The following LPP variants were observed in gnomAD, a reference collection of about 807,000 sequenced individuals.
LPP encodes the protein lipoma-preferred partner.
LPP carries 38 observed loss-of-function variants against 60.4 expected under a neutral mutation model. That is an observed-to-expected ratio of 0.63 (90% CI 0.49 to 0.83). The LOEUF (loss-of-function observed/expected upper bound fraction) is 0.83, where lower values mean the gene tolerates loss of function less well. Ranked by LOEUF, LPP falls within the 40% of genes least tolerant of loss-of-function variation. LPP has a pLI of 0.00. For synonymous variants in LPP, 328 were observed against 290.8 expected (o/e 1.13, Z -1.30); for missense variants, 902 against 783.6 (o/e 1.15, Z -1.80).
intron 4 of LPP, among the ~76,000 whole-genome samples, chr3:188,427,225 T>A (rs1253397571): frequency 6.6e-6 from 1 of 152,242 alleles, no homozygotes; most frequent in Non-Finnish European, 1.5e-5. Flanking sequence ...TTAGTTTGGC[T>A]GGATATGAAA....
At chr3:188,835,838 A>G (rs565475294) in intron 9 of LPP, among the ~76,000 whole-genome samples, 2 of 152,324 alleles carry the variant, frequency 1.3e-5, no homozygotes, top group South Asian at 4.1e-4. Context: ...CAATTCCTGA[A>G]TCAAGGACAA....
chr3:188,257,640 G>A (rs999825759), intron 2 of LPP, among the ~76,000 whole-genome samples: 17 of 152,122 alleles, frequency 1.1e-4, no homozygotes, highest in Admixed American at 3.3e-4. Flanking sequence ...TCATAGTTTG[G>A]TCATGGAATG....
chr3:188,418,055 A>G (rs1786796934), intron 4 of LPP, among the ~76,000 whole-genome samples: 1 of 152,206 alleles, frequency 6.6e-6, no homozygotes, highest in Non-Finnish European at 1.5e-5. Flanking sequence ...CACAAATGTG[A>G]ATAAATTTTA....
intron 7 of LPP, among the ~76,000 whole-genome samples, chr3:188,636,337 C>T (rs1302485858): frequency 3.9e-5 from 6 of 152,186 alleles, no homozygotes; most frequent in African/African-American, 1.4e-4. Context: ...CCGAATACTG[C>T]GCTTTTCCGA....
intron 9 of LPP, among the ~76,000 whole-genome samples, chr3:188,857,220 A>G (rs1444721021): frequency 6.6e-6 from 1 of 152,228 alleles, no homozygotes; most frequent in Non-Finnish European, 1.5e-5. Context: ...GGAATTTTTC[A>G]AGCTCAACCA....
intron 4 of LPP, among the ~76,000 whole-genome samples, chr3:188,484,084 G>A (rs746332310): frequency 2.6e-5 from 4 of 151,850 alleles, no homozygotes; most frequent in Admixed American, 6.5e-5. Context: ...ACATTCTCCT[G>A]TCTCTCTACC....
chr3:188,849,089 C>T (rs777525583), intron 9 of LPP, among the ~76,000 whole-genome samples: 2 of 152,132 alleles, frequency 1.3e-5, no homozygotes, highest in Non-Finnish European at 2.9e-5. Context: ...GGCACAGCAC[C>T]GTGGTGAGCG....
intron 2 of LPP, among the ~76,000 whole-genome samples, chr3:188,331,124 T>G (rs1033219989): frequency 6.6e-6 from 1 of 152,188 alleles, no homozygotes; most frequent in Non-Finnish European, 1.5e-5. Context: ...CTCAGCTTCT[T>G]GAGGATGGTG....
At chr3:188,524,638 T>C in intron 5 of LPP, 27 bp from the exon 6 acceptor site, 1 of 1,594,018 alleles carries the variant, frequency 6.3e-7, no homozygotes, top group Non-Finnish European at 8.5e-7. Flanking sequence ...ATTTCCTTTG[T>C]TAACATGTCT....
intron 9 of LPP, among the ~76,000 whole-genome samples, chr3:188,810,494 C>G (rs1224717794): frequency 6.6e-6 from 1 of 151,836 alleles, no homozygotes; most frequent in African/African-American, 2.4e-5. Flanking sequence ...AGAGGGAGAC[C>G]ACATACATGT....
chr3:188,242,554 CTG>C (rs1725357157), intron 2 of LPP, among the ~76,000 whole-genome samples: 1 of 152,106 alleles, frequency 6.6e-6, no homozygotes, highest in South Asian at 2.1e-4. Context: ...AGATACAAAA[CTG>C]TGAAAGACAC....
chr3:188,877,919 G>A lies in LPP; in HGVS notation c.*3440G>A, dbSNP rs1769438520. The stretch of plus-strand genomic sequence containing the variant: ...TGATCAAAATTACTTTTCTGGGTAT[G>A]TGCTGATTAAGGGGGTGGACTTATC... On this transcript the variant is annotated 3_prime_UTR_variant, in exon 12 of 12. Transcript: ENST00000617246. 4.7e-6 allele frequency: 1 copy of A among 214,718 alleles called. No homozygotes were observed. Among genetic ancestry groups the A allele is most frequent in the Non-Finnish European group, 9.4e-6 (1 of 106,388 alleles). 13.3% of individuals were successfully genotyped at this position (214,718 alleles called of 1,614,324 possible).
At chr3:188,701,944 C>CTTTTTTTTTTTTTTTTTTTTTTTTTTTT (rs35803152) in intron 7 of LPP, among the ~76,000 whole-genome samples, 6 of 83,550 alleles carry the variant, frequency 7.2e-5, no homozygotes, top group Admixed American at 1.8e-4. Flanking sequence ...GTTTTTTTCC[C>CTTTTTTTTTTTTTTTTTTTTTTTTTTTT]TTTTTTTTTT....
chr3:188,190,197 T>C (rs752639137), intron 1 of LPP, among the ~76,000 whole-genome samples: 16 of 151,952 alleles, frequency 1.1e-4, no homozygotes, highest in Admixed American at 7.2e-4. Context: ...GCTGGGATTA[T>C]AGGCATGGGC....
chr3:188,786,418 A>G (rs1281586647), intron 9 of LPP, among the ~76,000 whole-genome samples: 2 of 148,416 alleles, frequency 1.3e-5, no homozygotes, highest in Non-Finnish European at 3.0e-5. Flanking sequence ...AAAACCAACC[A>G]TCAGTGCAGA....
At chr3:188,782,650 C>G (rs1230511666) in intron 9 of LPP, among the ~76,000 whole-genome samples, 1 of 151,956 alleles carries the variant, frequency 6.6e-6, no homozygotes, top group Non-Finnish European at 1.5e-5. Flanking sequence ...CCTAGCCTCT[C>G]TCTCCTGTTA....
At chr3:188,544,063 G>A (rs761740857) in intron 6 of LPP, among the ~76,000 whole-genome samples, 1 of 152,178 alleles carries the variant, frequency 6.6e-6, no homozygotes, top group East Asian at 1.9e-4. Flanking sequence ...CAGAATTTAA[G>A]AAAGTTATAC....
At chr3:188,297,299 T>A (rs536563731) in intron 2 of LPP, among the ~76,000 whole-genome samples, 1 of 152,274 alleles carries the variant, frequency 6.6e-6, no homozygotes, top group Non-Finnish European at 1.5e-5. Flanking sequence ...CAGTGCCAAA[T>A]TTTGGACATT....
intron 3 of LPP, among the ~76,000 whole-genome samples, chr3:188,358,739 A>G (rs978668405): frequency 6.6e-6 from 1 of 152,148 alleles, no homozygotes; most frequent in African/African-American, 2.4e-5. Context: ...CTGAGAAGGG[A>G]TCTGAGTGGG....
Sources: allele counts gnomAD v4.1 joint callset (sites outside exome capture counted in the v4.1 genomes callset), GRCh38; gene constraint gnomAD v4.1.1; transcripts MANE v1.5; gene names NCBI Gene and HGNC (gene_info 2026-07-23, HGNC 2026-07-21).